Variants in SMTNL2 observed in about 807,000 individuals in gnomAD.
SMTNL2 encodes smoothelin like 2, also known as smoothelin-like protein 2.
Under a neutral mutation model 44.1 loss-of-function variants are expected in SMTNL2, and 43 were observed. That is an observed-to-expected ratio of 0.98 (90% confidence interval 0.76 to 1.26). SMTNL2 has a LOEUF of 1.26. Ranked by LOEUF, SMTNL2 falls within the 50% of genes most tolerant of loss-of-function variation. SMTNL2 has a pLI of 0.00. For missense variants in SMTNL2, 646 were observed against 670.2 expected, an observed-to-expected ratio of 0.96 and a Z score of 0.40; for synonymous variants, 317 against 287.6, an observed-to-expected ratio of 1.10 and a Z score of -1.03.
At chr17:4,585,904 A>C (rs1909330483) in intron 1 of SMTNL2, among the ~76,000 whole-genome samples, 1 of 152,110 alleles carries the variant, frequency 6.6e-6, no homozygotes, top group Admixed American at 6.5e-5. Flanking sequence ...AGGGTATCAG[A>C]TTGGGCCTTC....
chr17:4,597,682 T>C (rs1328667157), intron 7 of SMTNL2, among the ~76,000 whole-genome samples: 4 of 152,162 alleles, frequency 2.6e-5, no homozygotes, highest in East Asian at 3.8e-4. Flanking sequence ...TCTGGACTGA[T>C]GGAGAGATGC....
rs367785658 is a variant in SMTNL2 at position 4,596,945 on chromosome 17, G to A, written c.1075G>A (p.Glu359Lys). ...SASSIKQILLEWCRSKTLGYQ... is the reference protein window; with the variant it reads ...SASSIKQILLKWCRSKTLGYQ... ...CAGCAGCATCAAGCAGATCCTGCTC[G>A]AGTGGTGCCGCAGCAAGACGCTGGG... is the stretch of plus-strand genomic sequence containing the variant. The change falls in exon 6 of 8, where the codon GAG (glutamate) becomes AAG (lysine). Residue 359 changes from glutamate to lysine, a missense_variant. Coordinates refer to ENST00000389313, the MANE Select transcript of SMTNL2 (RefSeq NM_001114974.2). 2.0e-5 allele frequency: 30 copies of A among 1,525,612 alleles called. No individual in the cohort carries two copies. The highest frequency in any genetic ancestry group is 7.4e-5 in the East Asian group (3 of 40,316). The allele number at this position is 1,525,612 out of a possible 1,614,324, so 94.5% of individuals were successfully genotyped here.
chr17:4,585,963 G>A (rs1395193771), intron 1 of SMTNL2, among the ~76,000 whole-genome samples: 1 of 152,160 alleles, frequency 6.6e-6, no homozygotes, highest in Non-Finnish European at 1.5e-5. Context: ...ACCAAGTTTG[G>A]GCAGCCAGAG....
chr17:4,585,893 G>A (rs1909330073), intron 1 of SMTNL2, among the ~76,000 whole-genome samples: 1 of 152,220 alleles, frequency 6.6e-6, no homozygotes, highest in Admixed American at 6.5e-5. Flanking sequence ...GGGCCTGGAG[G>A]AGGGTATCAG....
chr17:4,602,623 A>T (rs1910096584), intron 7 of SMTNL2, among the ~76,000 whole-genome samples: 2 of 151,624 alleles, frequency 1.3e-5, no homozygotes, highest in African/African-American at 4.8e-5. Flanking sequence ...GCACCTAGCT[A>T]ATTTTTGTAT....
rs1336851285 is a variant in SMTNL2, at chr17:4,592,904, C to T, written c.488-25C>T. On this transcript the variant is annotated intron_variant, in intron 2 of 7. Transcript: ENST00000389313. The surrounding 1 kb of genome is among the most constrained non-coding windows in gnomAD (Gnocchi z 4.5). The stretch of plus-strand genomic sequence containing the variant: ...CCTGTGGCTGCCACAGCTGACCACC[C>T]ACCCATGCTGGTCACATGTTCCAGG... 2 of 1,595,662 alleles carry T rather than the reference C, an allele frequency of 1.3e-6. No homozygotes were observed. Among genetic ancestry groups the T allele is most frequent in the Non-Finnish European group, 1.7e-6 (2 of 1,167,510 alleles).
At chr17:4,594,560 C>T (rs926917627) in intron 4 of SMTNL2, among the ~76,000 whole-genome samples, 1 of 152,142 alleles carries the variant, frequency 6.6e-6, no homozygotes, top group Non-Finnish European at 1.5e-5. Context: ...TTCTTCCATC[C>T]CAGCCAGCTG....
intron 1 of SMTNL2, among the ~76,000 whole-genome samples, chr17:4,587,764 T>C (rs8072778): frequency 0.23 from 34,703 of 152,146 alleles, 4,088 homozygotes; most frequent in East Asian, 0.31. Flanking sequence ...GTAGATTGTC[T>C]CCAATATATA....
Position 4,597,203 on chromosome 17 carries a change from G to A in SMTNL2, c.1139G>A (p.Trp380Ter). The A allele has an allele frequency of 1.2e-6, 2 of 1,614,008 alleles. No individual in the cohort carries two copies. Among genetic ancestry groups the A allele is most frequent in the Non-Finnish European group, 1.7e-6 (2 of 1,179,976 alleles). ...HVDLQNFSSS[W>*]SDGMAFCALV... ...GACCTGCAGAACTTCTCCTCCAGCT[G>A]GAGCGACGGCATGGCCTTCTGCGCC... Residue 380 changes from tryptophan to a stop codon, truncating the protein, a stop_gained, in exon 7 of 8, where the codon TGG (tryptophan) becomes TAG (stop). Transcript: ENST00000389313. LOFTEE classifies it high-confidence loss of function.
rs973383547 is a variant in SMTNL2 at position 4,600,258 on chromosome 17, G to A, written c.1259+2935G>A. Among the ~76,000 whole-genome samples, 2 of 152,194 alleles carry A rather than the reference G, an allele frequency of 1.3e-5. No homozygotes were observed. Among genetic ancestry groups the A allele is most frequent in the African/African-American group, 4.8e-5 (2 of 41,442 alleles). The stretch of plus-strand genomic sequence containing the variant: ...GAAAGCGCAGGGACACCTGCCTGAG[G>A]GTACTAGCTGTCAGTGTCCTCACCG... On this transcript the variant is annotated intron_variant, in intron 7 of 7. Coordinates refer to ENST00000389313, the MANE Select transcript of SMTNL2 (RefSeq NM_001114974.2). The surrounding 1 kb of genome is among the most constrained non-coding windows in gnomAD (Gnocchi z 4.7).
At chr17:4,593,521 G>A (rs1354616861) in intron 3 of SMTNL2, among the ~76,000 whole-genome samples, 1 of 152,256 alleles carries the variant, frequency 6.6e-6, no homozygotes, top group African/African-American at 2.4e-5. Context: ...AGCCGTGTGG[G>A]CCTCTATAGG....
chr17:4,589,769 A>G (rs1318987695), intron 1 of SMTNL2, among the ~76,000 whole-genome samples: 4 of 151,528 alleles, frequency 2.6e-5, no homozygotes, highest in Non-Finnish European at 5.9e-5. Flanking sequence ...CGCTGTCTTC[A>G]TTTCTCTGGG....
intron 7 of SMTNL2, among the ~76,000 whole-genome samples, chr17:4,602,311 C>CTTTT (rs35927212): frequency 4.6e-5 from 2 of 43,730 alleles, no homozygotes; most frequent in Non-Finnish European, 3.8e-5. Flanking sequence ...AAGGCAGGTG[C>CTTTT]TTTTTTTTTT....
At chr17:4,586,548 T>A (rs1030676225) in intron 1 of SMTNL2, among the ~76,000 whole-genome samples, 4 of 151,200 alleles carry the variant, frequency 2.6e-5, no homozygotes, top group Non-Finnish European at 5.9e-5. Flanking sequence ...GAGGGAATTC[T>A]CTCCAGTCGT....
rs903091172 is a variant in SMTNL2 at position 4,600,177 on chromosome 17, C to T, written c.1259+2854C>T. Among the ~76,000 whole-genome samples, 2 of 152,126 alleles carry T rather than the reference C, an allele frequency of 1.3e-5. No individual in the cohort carries two copies. The highest frequency in any genetic ancestry group is 2.4e-5 in the African/African-American group (1 of 41,412). ...GCCTGCCTGGGGCCTCTGGGGAGGA[C>T]GACAGCTTGGATCACCTCATTTGTT... On this transcript the variant is annotated intron_variant, in intron 7 of 7. Transcript: ENST00000389313. This position sits in a 1 kb window ranked among gnomAD's most constrained non-coding sequence, Gnocchi z 4.7.
intron 1 of SMTNL2, among the ~76,000 whole-genome samples, chr17:4,588,931 G>A (rs1320704962): frequency 6.6e-6 from 1 of 152,202 alleles, no homozygotes; most frequent in Non-Finnish European, 1.5e-5. Flanking sequence ...CCATCTGTGT[G>A]ATGATGGGTT....
chr17:4,591,380 C>T (rs1316629993), intron 1 of SMTNL2, among the ~76,000 whole-genome samples: 1 of 152,224 alleles, frequency 6.6e-6, no homozygotes, highest in Non-Finnish European at 1.5e-5. Flanking sequence ...CACTCTCAGC[C>T]GTTCACACGC....
rs1249877119 is a variant in SMTNL2 at position 4,597,212 on chromosome 17, G to A, written c.1148G>A (p.Gly383Asp). The A allele has an allele frequency of 2.2e-5, 35 of 1,613,938 alleles. 1 individual carries two copies. In the Admixed American group the frequency reaches 5.8e-4, roughly 27 times the overall value. The change falls in exon 7 of 8, where the codon GGC becomes GAC. Residue 383 changes from glycine to aspartate, a missense_variant. Coordinates refer to ENST00000389313, the MANE Select transcript of SMTNL2 (RefSeq NM_001114974.2). Reference protein sequence around the residue: ...LQNFSSSWSDGMAFCALVHSF... With the variant: ...LQNFSSSWSDDMAFCALVHSF... ...AACTTCTCCTCCAGCTGGAGCGACG[G>A]CATGGCCTTCTGCGCCCTGGTACAC...
upstream of SMTNL2, chr17:4,584,175 G>A (rs953291098): frequency 5.4e-4 from 85 of 158,094 alleles, no homozygotes; most frequent in African/African-American, 2.0e-3. Flanking sequence ...TGTGGGAGCT[G>A]TAGGTGTCCC....
Sources: allele counts gnomAD v4.1 joint callset (sites outside exome capture counted in the v4.1 genomes callset), GRCh38; gene constraint gnomAD v4.1.1; non-coding constraint Gnocchi (gnomAD v3.1); transcripts MANE v1.5; gene names NCBI Gene and HGNC (gene_info 2026-07-23, HGNC 2026-07-21).